The following MARCHF1 variants were observed in gnomAD, a reference collection of about 807,000 sequenced individuals.
MARCHF1 encodes E3 ubiquitin-protein ligase MARCHF1.
MARCHF1 carries 40 observed loss-of-function variants against 54.2 expected under a neutral mutation model. That is an observed-to-expected ratio of 0.74 (90% CI 0.57 to 0.96). The LOEUF (loss-of-function observed/expected upper bound fraction) is 0.96. MARCHF1 is among the 40% of genes least tolerant of loss of function. The pLI is 0.00. For synonymous variants in MARCHF1, 236 were observed against 236.3 expected (o/e 1.00, Z 0.01); for missense variants, 586 against 656.5 (o/e 0.89, Z 1.17).
chr4:163,747,878 C>G (rs2110764022), intron 4 of MARCHF1, among the ~76,000 whole-genome samples: 1 of 152,312 alleles, frequency 6.6e-6, no homozygotes, highest in African/African-American at 2.4e-5. Context: ...TACTCAGACA[C>G]AGGTATGCGG....
At chr4:163,843,071 G>A (rs1416066657) in intron 4 of MARCHF1, among the ~76,000 whole-genome samples, 8 of 152,012 alleles carry the variant, frequency 5.3e-5, no homozygotes, top group South Asian at 2.1e-4. Flanking sequence ...TTGTGTCCAC[G>A]TGTATTCAGT....
At chr4:164,371,831 C>T (rs1489230348) in intron 1 of MARCHF1, among the ~76,000 whole-genome samples, 1 of 152,170 alleles carries the variant, frequency 6.6e-6, no homozygotes, top group Non-Finnish European at 1.5e-5. Flanking sequence ...AACATTTTCA[C>T]AATTTTATTC....
intron 1 of MARCHF1, among the ~76,000 whole-genome samples, chr4:164,267,055 C>G (rs1048703081): frequency 1.8e-4 from 27 of 152,268 alleles, no homozygotes; most frequent in Non-Finnish European, 2.8e-4. Flanking sequence ...AGAATCAAGA[C>G]AGACACAAAT....
rs1262825999 is a variant in MARCHF1 at position 163,527,247 on chromosome 4, A to AATC, written c.*1498_*1500dup. 15 of 152,034 alleles carry AATC rather than the reference A, an allele frequency of 9.9e-5. No homozygotes were observed. The highest frequency in any genetic ancestry group is 3.1e-4 in the African/African-American group (13 of 41,422). The allele number at this position is 152,034 out of a possible 1,614,324, so 9.4% of individuals were successfully genotyped here. A position where few individuals can be genotyped will look rare whatever the true frequency, so the allele number is the denominator to read the frequency against. ...TACATGAATATGCAAAGAACACAAT[A>AATC]ATCAACTGTCAAACCTAAACGATTA... On this transcript the variant is annotated 3_prime_UTR_variant, in exon 10 of 10. Transcript: ENST00000514618.
At chr4:163,883,614 C>T (rs190112878) in intron 3 of MARCHF1, among the ~76,000 whole-genome samples, 103 of 152,078 alleles carry the variant, frequency 6.8e-4, no homozygotes, top group African/African-American at 1.8e-3. Context: ...ACAGATAGGA[C>T]GGCCAGATAA....
chr4:164,379,323 C>G (rs1731296730), intron 1 of MARCHF1, among the ~76,000 whole-genome samples: 1 of 151,382 alleles, frequency 6.6e-6, no homozygotes, highest in Admixed American at 6.6e-5. Flanking sequence ...CAAACAAGCA[C>G]AGAGAGAAAA....
At chr4:163,700,706 TTTGTG>T in intron 5 of MARCHF1, 102 bp downstream of exon 5, 1 of 827,392 alleles carries the variant, frequency 1.2e-6, no homozygotes. Context: ...ACAAATCACA[TTTGTG>T]TTCTGCTCAC....
rs12511040 is a variant in MARCHF1 at position 164,241,686 on chromosome 4, G to C, written c.-322-130024C>G. Reference sequence around the variant, plus strand: ...TCCCAGCGTGAGCTACGCAGAAGACGGGTGATTTCTGCATTTCCATCTGAG... The same window carrying C: ...TCCCAGCGTGAGCTACGCAGAAGACCGGTGATTTCTGCATTTCCATCTGAG... On this transcript the variant is annotated intron_variant, in intron 1 of 9. Transcript: ENST00000514618. Among the ~76,000 whole-genome samples the C allele has an allele frequency of 4.9e-3, 742 of 152,290 alleles. 1 individual carries two copies. The highest frequency in any genetic ancestry group is 0.02 in the East Asian group (104 of 5,162).
Position 163,658,293 on chromosome 4 carries a change from C to T in MARCHF1, c.162+42520G>A, listed in dbSNP as rs1156677132. Among the ~76,000 whole-genome samples, 10 of 151,832 alleles carry T rather than the reference C, an allele frequency of 6.6e-5. No homozygotes were observed. In the South Asian group the frequency reaches 8.3e-4, roughly 13 times the overall value. ...AGAAGACATTCATGCAGCCAATAAA[C>T]GTGAAAAAAAGCTCAATGTCATAAA... On this transcript the variant is annotated intron_variant, in intron 5 of 9. Coordinates refer to ENST00000514618, the MANE Select transcript of MARCHF1 (RefSeq NM_001394959.1).
At chr4:163,645,972 C>T (rs1251727749) in intron 5 of MARCHF1, among the ~76,000 whole-genome samples, 1 of 152,152 alleles carries the variant, frequency 6.6e-6, no homozygotes, top group East Asian at 1.9e-4. Context: ...TAAAGGAATA[C>T]TGTCTGAAAA....
intron 2 of MARCHF1, among the ~76,000 whole-genome samples, chr4:164,028,456 T>C (rs1268922532): frequency 6.6e-6 from 1 of 152,108 alleles, no homozygotes; most frequent in Non-Finnish European, 1.5e-5. Context: ...TAATCTTCCG[T>C]GAGTTAATGA....
intron 3 of MARCHF1, among the ~76,000 whole-genome samples, chr4:163,908,077 G>T (rs561079503): frequency 1.3e-4 from 20 of 152,228 alleles, no homozygotes; most frequent in African/African-American, 4.3e-4. Flanking sequence ...GAGAAGACAC[G>T]CAGTATGATG....
chr4:163,634,633 T>C (rs956431221), intron 5 of MARCHF1, among the ~76,000 whole-genome samples: 15 of 152,222 alleles, frequency 9.9e-5, no homozygotes, highest in East Asian at 5.8e-4. Flanking sequence ...CTTAGACTCC[T>C]ACACATTAAT....
At chr4:163,944,133 ATTTTTTTTTT>A (rs5863642) in intron 3 of MARCHF1, among the ~76,000 whole-genome samples, 3 of 110,102 alleles carry the variant, frequency 2.7e-5, no homozygotes, top group Admixed American at 9.4e-5. Flanking sequence ...CACCGGGCTA[ATTTTTTTTTT>A]TTTTTTTTTT....
intron 5 of MARCHF1, 85 bp from the exon 6 acceptor site, chr4:163,613,478 A>G (rs767578695): frequency 2.5e-6 from 4 of 1,612,400 alleles, no homozygotes; most frequent in Non-Finnish European, 3.4e-6. Flanking sequence ...TATTTAAAAA[A>G]TTACAACAAA....
chr4:163,838,104 A>G (rs1404517543), intron 4 of MARCHF1, among the ~76,000 whole-genome samples: 2 of 152,136 alleles, frequency 1.3e-5, no homozygotes. Flanking sequence ...AGGGAAAGCT[A>G]TGCTTTGATG....
chr4:163,998,168 C>T (rs1406530796), intron 2 of MARCHF1, among the ~76,000 whole-genome samples: 1 of 151,032 alleles, frequency 6.6e-6, no homozygotes, highest in Non-Finnish European at 1.5e-5. Flanking sequence ...ATTACAACTA[C>T]TCTATAAGAA....
At chr4:163,766,409 C>G (rs1403356402) in intron 4 of MARCHF1, among the ~76,000 whole-genome samples, 2 of 152,084 alleles carry the variant, frequency 1.3e-5, no homozygotes, top group African/African-American at 4.8e-5. Context: ...TTCTAAAGGT[C>G]TGAGAACTTA....
chr4:163,849,887 C>G (rs1434068523), intron 4 of MARCHF1, among the ~76,000 whole-genome samples: 1 of 151,512 alleles, frequency 6.6e-6, no homozygotes, highest in East Asian at 2.0e-4. Context: ...CTATCCTTAA[C>G]TTTCTATACT....
Sources: allele counts gnomAD v4.1 joint callset (sites outside exome capture counted in the v4.1 genomes callset), GRCh38; gene constraint gnomAD v4.1.1; transcripts MANE v1.5; gene names NCBI Gene and HGNC (gene_info 2026-07-23, HGNC 2026-07-21).